The following FER1L6 variants were observed in gnomAD, a reference collection of about 807,000 sequenced individuals.
The protein encoded by FER1L6 is fer-1 like family member 6.
FER1L6 carries 177 observed loss-of-function variants against 219.2 expected under a neutral mutation model. That is an observed-to-expected ratio of 0.81 (90% confidence interval 0.71 to 0.91). The LOEUF (loss-of-function observed/expected upper bound fraction) is 0.91. FER1L6 is among the 40% of genes least tolerant of loss of function. The pLI, the probability that FER1L6 is intolerant of heterozygous loss-of-function variation, is 0.00. For missense variants in FER1L6, 2,153 were observed against 2,259.9 expected (o/e 0.95, Z 0.96); for synonymous variants, 768 against 824.3 (o/e 0.93, Z 1.17).
At chr8:124,039,131 C>A (rs1240895524) in intron 19 of FER1L6, among the ~76,000 whole-genome samples, 1 of 152,108 alleles carries the variant, frequency 6.6e-6, no homozygotes, top group Non-Finnish European at 1.5e-5. Flanking sequence ...GTGTTCCTTG[C>A]CAGCATTCTC....
Position 124,097,341 on chromosome 8 carries a change from C to CT in FER1L6, c.4767dup (p.Pro1590SerfsTer17). Reference sequence around the variant, plus strand: ...CAACCTGGACCTCCTGTTGACATCTCTCCAAGGCGACCCAAAGGGTATGTC... The same window carrying CT: ...CAACCTGGACCTCCTGTTGACATCTCTTCCAAGGCGACCCAAAGGGTATGTC... On this transcript the variant is annotated frameshift_variant, in exon 36 of 41. Transcript: ENST00000522917. LOFTEE classifies it high-confidence loss of function. 6.2e-7 allele frequency: 1 copy of CT among 1,612,884 alleles called. No individual in the cohort carries two copies. The highest frequency in any genetic ancestry group is 8.5e-7 in the Non-Finnish European group (1 of 1,179,138).
In FER1L6 at chr8:124,012,513, C is replaced by T. The variant is rs114030409; in HGVS notation, c.1822-918C>T. 4.6e-3 allele frequency among the ~76,000 whole-genome samples: 706 copies of T among 152,354 alleles called. 8 individuals are homozygous for T. The highest frequency in any genetic ancestry group is 0.016 in the African/African-American group (682 of 41,584). On this transcript the variant is annotated intron_variant, in intron 14 of 40. Transcript: ENST00000522917. ...TATCATGGCTAACCACCATGAGAGA[C>T]ATGACTGAATGTTTACTAACTACCA...
At chr8:124,075,337 AAC>A (rs937502526) in intron 31 of FER1L6, among the ~76,000 whole-genome samples, 2 of 150,116 alleles carry the variant, frequency 1.3e-5, no homozygotes, top group African/African-American at 2.4e-5. Context: ...AACTAAAACA[AAC>A]ACACACACGT....
chr8:124,026,800 A>G (rs893169003), intron 18 of FER1L6, among the ~76,000 whole-genome samples: 1 of 151,346 alleles, frequency 6.6e-6, no homozygotes, highest in African/African-American at 2.5e-5. Flanking sequence ...GGACTTTGAA[A>G]TAAGGTGAAT....
chr8:124,005,784 G>A (rs1817629714), intron 13 of FER1L6, among the ~76,000 whole-genome samples: 2 of 152,178 alleles, frequency 1.3e-5, no homozygotes, highest in African/African-American at 4.8e-5. Flanking sequence ...CTGGGGAGGA[G>A]GTAAGGAGTT....
chr8:123,957,670 C>T (rs1164525579), intron 2 of FER1L6, among the ~76,000 whole-genome samples: 1 of 152,122 alleles, frequency 6.6e-6, no homozygotes, highest in African/African-American at 2.4e-5. Flanking sequence ...TACATCAGAG[C>T]CTGGGTTTCC....
In FER1L6 at chr8:123,996,011, C is replaced by T. The variant is rs187496009; in HGVS notation, c.1520-7156C>T. On this transcript the variant is annotated intron_variant, in intron 12 of 40. Coordinates refer to ENST00000522917, the MANE Select transcript of FER1L6 (RefSeq NM_001039112.2). ...ATTTCTAGTCTTATTCTATTGTAATCAGAGAATATACTTGATATAATTTTA... is the reference window on the plus strand; with the variant it reads ...ATTTCTAGTCTTATTCTATTGTAATTAGAGAATATACTTGATATAATTTTA... Among the ~76,000 whole-genome samples the T allele has an allele frequency of 9.3e-4, 142 of 152,204 alleles. 1 individual carries two copies. In the Middle Eastern group the frequency reaches 0.017, roughly 18 times the overall value.
chr8:123,986,304 GAA>G, intron 12 of FER1L6, 128 bp downstream of exon 12: 1 of 597,992 alleles, frequency 1.7e-6, no homozygotes, highest in Non-Finnish European at 3.0e-6. Context: ...AGAATGAGAT[GAA>G]CAATTCCTTG....
intron 21 of FER1L6, among the ~76,000 whole-genome samples, chr8:124,048,068 C>A (rs913312371): frequency 9.9e-5 from 15 of 152,180 alleles, no homozygotes; most frequent in East Asian, 1.9e-4. Flanking sequence ...AGCCAGCTGC[C>A]CTAACTCCAC....
chr8:123,999,558 G>A (rs1817310427), intron 12 of FER1L6, among the ~76,000 whole-genome samples: 1 of 152,196 alleles, frequency 6.6e-6, no homozygotes, highest in Non-Finnish European at 1.5e-5. Context: ...AGCTGTTTGG[G>A]AGGCTGAGGC....
intron 1 of FER1L6, among the ~76,000 whole-genome samples, chr8:123,888,219 A>C (rs534839890): frequency 3.9e-5 from 6 of 152,026 alleles, no homozygotes; most frequent in African/African-American, 1.4e-4. Flanking sequence ...TGGGTTCAAG[A>C]AATTCTCATG....
intron 1 of FER1L6, among the ~76,000 whole-genome samples, chr8:123,934,366 A>G (rs1813900402): frequency 6.6e-6 from 1 of 151,632 alleles, no homozygotes; most frequent in South Asian, 2.1e-4. Context: ...ATTTAGTCAC[A>G]ATGTTTCTAG....
intron 1 of FER1L6, among the ~76,000 whole-genome samples, chr8:123,917,078 C>A (rs1813211957): frequency 1.3e-5 from 2 of 152,112 alleles, no homozygotes; most frequent in Admixed American, 6.5e-5. Context: ...TTAGTAATTG[C>A]ATTACCTTAG....
chr8:123,876,505 T>G (rs1817007170), intron 1 of FER1L6, among the ~76,000 whole-genome samples: 1 of 152,144 alleles, frequency 6.6e-6, no homozygotes, highest in Non-Finnish European at 1.5e-5. Context: ...GTTTTTTGTT[T>G]TGTAGAGATG....
chr8:123,957,643 C>T (rs974445886), intron 2 of FER1L6, among the ~76,000 whole-genome samples: 4 of 152,158 alleles, frequency 2.6e-5, no homozygotes, highest in African/African-American at 7.2e-5. Flanking sequence ...AGCTGGCTCC[C>T]GATCCCAGGT....
chr8:124,119,027 T>C (rs1028798384), intron 40 of FER1L6, 83 bp downstream of exon 40: 65 of 1,146,046 alleles, frequency 5.7e-5, no homozygotes, highest in Non-Finnish European at 7.6e-5. Flanking sequence ...GGCATTTCTT[T>C]AGAGCAGCCC....
intron 12 of FER1L6, among the ~76,000 whole-genome samples, chr8:123,999,009 G>T (rs181435956): frequency 9.2e-4 from 140 of 152,318 alleles, no homozygotes; most frequent in Non-Finnish European, 1.8e-3. Flanking sequence ...GGAGAGTGAA[G>T]GCCTGAAATC....
At chr8:124,014,996 T>C (rs1214626195) in intron 15 of FER1L6, among the ~76,000 whole-genome samples, 2 of 152,156 alleles carry the variant, frequency 1.3e-5, no homozygotes, top group East Asian at 3.9e-4. Context: ...TCATGGGCCA[T>C]TGGGCTGAGG....
At position 123,998,750 on chromosome 8, in the gene FER1L6, G is replaced by A. The variant is rs941251229; in HGVS notation, c.1520-4417G>A. 8.5e-5 allele frequency among the ~76,000 whole-genome samples: 13 copies of A among 152,220 alleles called. No homozygotes were observed. In the South Asian group the frequency reaches 1.0e-3, roughly 12 times the overall value. On this transcript the variant is annotated intron_variant, in intron 12 of 40. Coordinates refer to ENST00000522917, the MANE Select transcript of FER1L6 (RefSeq NM_001039112.2). ...TCTACCTGGTTTTCTATTCTACTGC[G>A]GCTGAGCTGGCATCCAAGTTGCAAG...
Sources: allele counts gnomAD v4.1 joint callset (sites outside exome capture counted in the v4.1 genomes callset), GRCh38; gene constraint gnomAD v4.1.1; transcripts MANE v1.5; gene names NCBI Gene and HGNC (gene_info 2026-07-23, HGNC 2026-07-21).